The following RNF38 variants were observed in gnomAD, a reference collection of about 807,000 sequenced individuals.
RNF38 encodes ring finger protein 38.
RNF38 carries 15 observed loss-of-function variants against 67.2 expected under a neutral mutation model. The observed-to-expected ratio is 0.22, with a 90% CI of 0.15 to 0.34. The LOEUF (loss-of-function observed/expected upper bound fraction) is 0.34, where lower values mean the gene tolerates loss of function less well. RNF38 is among the 10% of genes least tolerant of loss of function. The pLI is 1.00. For missense variants in RNF38, 524 were observed against 639.9 expected (o/e 0.82, Z 1.95); for synonymous variants, 220 against 218.8 (o/e 1.01, Z -0.05).
At chr9:36,487,097 AG>A (rs1385915267) in intron 1 of RNF38, among the ~76,000 whole-genome samples, 1 of 151,954 alleles carries the variant, frequency 6.6e-6, no homozygotes, top group East Asian at 1.9e-4. Flanking sequence ...ACCCTGGGGG[AG>A]GGGGCTACCC....
At chr9:36,444,955 G>A (rs1298617533) in intron 1 of RNF38, among the ~76,000 whole-genome samples, 3 of 128,148 alleles carry the variant, frequency 2.3e-5, no homozygotes, top group South Asian at 2.3e-4. Flanking sequence ...ATCAGTGATC[G>A]CCAGAGATTT....
intron 2 of RNF38, among the ~76,000 whole-genome samples, chr9:36,377,576 C>A (rs986441545): frequency 6.6e-6 from 1 of 152,136 alleles, no homozygotes; most frequent in African/African-American, 2.4e-5. Context: ...TTTGTTCTAA[C>A]TTTCCTACCA....
chr9:36,427,687 C>G (rs1310946172), intron 1 of RNF38, among the ~76,000 whole-genome samples: 1 of 149,106 alleles, frequency 6.7e-6, no homozygotes, highest in Non-Finnish European at 1.5e-5. Context: ...ATCTATCTAT[C>G]TATCTATCTA....
chr9:36,418,549 G>A (rs1838533776), intron 2 of RNF38, among the ~76,000 whole-genome samples: 1 of 151,866 alleles, frequency 6.6e-6, no homozygotes, highest in Admixed American at 6.6e-5. Context: ...ACTTTGGGAG[G>A]CTGAGGCGGG....
At chr9:36,378,177 T>C (rs1835920184) in intron 2 of RNF38, among the ~76,000 whole-genome samples, 1 of 148,022 alleles carries the variant, frequency 6.8e-6, no homozygotes, top group Non-Finnish European at 1.5e-5. Context: ...GACTTTTTTT[T>C]TTTTTTTTTT....
intron 4 of RNF38, among the ~76,000 whole-genome samples, chr9:36,358,364 G>A (rs964701288): frequency 3.3e-5 from 5 of 152,094 alleles, no homozygotes; most frequent in African/African-American, 4.8e-5. Context: ...CTCATTTCCC[G>A]CCTAGCCAAT....
intron 1 of RNF38, among the ~76,000 whole-genome samples, chr9:36,439,516 C>G (rs559066420): frequency 6.6e-6 from 1 of 151,960 alleles, no homozygotes; most frequent in African/African-American, 2.4e-5. Flanking sequence ...CTATATCAAT[C>G]GAAAATAGCC....
rs534164736 is a variant in RNF38 at position 36,459,125 on chromosome 9, T to G, written n.241+28183A>C. On this transcript the variant is annotated intron_variant and non_coding_transcript_variant, in intron 1 of 3. Transcript: ENST00000488058. ...CAGGAGGCTGAGGCAGGAGAATCAC[T>G]TGAACCCAGGAGGTGGAGGTTGCAG... Among the ~76,000 whole-genome samples the G allele has an allele frequency of 5.9e-5, 9 of 151,848 alleles. No individual in the cohort carries two copies. In the East Asian group the frequency reaches 1.7e-3, roughly 29 times the overall value.
intron 10 of RNF38, 139 bp downstream of exon 10, chr9:36,344,693 C>T: frequency 1.4e-6 from 1 of 732,714 alleles, no homozygotes; most frequent in Non-Finnish European, 2.2e-6. Context: ...TTATCTTTAT[C>T]AAAGTTATCT....
chr9:36,354,902 T>C (rs1341338046), intron 6 of RNF38, among the ~76,000 whole-genome samples: 2 of 152,232 alleles, frequency 1.3e-5, no homozygotes, highest in Non-Finnish European at 2.9e-5. Context: ...AAATCACAAT[T>C]GCTTACACTA....
At chr9:36,352,906 AAATAAAGTATCT>A in intron 7 of RNF38, 58 bp from the exon 8 acceptor site, 1 of 1,211,394 alleles carries the variant, frequency 8.3e-7, no homozygotes, top group South Asian at 1.3e-5. Context: ...ATAGCCTGTC[AAATAAAGTATCT>A]AATTAAAAAA....
intron 2 of RNF38, among the ~76,000 whole-genome samples, chr9:36,383,112 T>C (rs1836330525): frequency 1.3e-5 from 2 of 152,224 alleles, no homozygotes; most frequent in Admixed American, 1.3e-4. Flanking sequence ...GATCACACAA[T>C]AGTTTACAAA....
chr9:36,352,652 C>T (rs1388936437), intron 8 of RNF38, 90 bp downstream of exon 8: 7 of 997,382 alleles, frequency 7.0e-6, no homozygotes, highest in Non-Finnish European at 9.4e-6. Flanking sequence ...ACTAACACAC[C>T]AAAAGCTATA....
chr9:36,352,824 T>C lies in RNF38; in HGVS notation c.1096A>G (p.Arg366Gly). ...GVPYPPFMPR[R>G]LTGRSRYRSQ... ...CGGTATCTACTACGTCCTGTAAGCC[T>C]CCGAGGCATAAATGGAGGATAAGGC... The change falls in exon 8 of 12, where the codon AGG becomes GGG. Residue 366 changes from arginine (R) to glycine (G), a missense_variant. Arg to Gly is a moderately radical substitution (Grantham distance 125). This residue lies in a region of RNF38 where 461 missense variants were observed against 517.4 expected (regional missense o/e 0.89). Coordinates refer to ENST00000259605, the MANE Select transcript of RNF38 (RefSeq NM_022781.5). 1.9e-6 allele frequency: 3 copies of C among 1,613,848 alleles called. No individual in the cohort carries two copies. The highest frequency in any genetic ancestry group is 2.5e-6 in the Non-Finnish European group (3 of 1,179,798).
chr9:36,469,435 G>A lies in RNF38; in HGVS notation n.241+17873C>T, dbSNP rs186359585. Among the ~76,000 whole-genome samples, 74 of 152,138 alleles carry A rather than the reference G, an allele frequency of 4.9e-4. 1 individual carries two copies. Among genetic ancestry groups the A allele is most frequent in the Admixed American group, 4.1e-3 (63 of 15,276 alleles). On this transcript the variant is annotated intron_variant and non_coding_transcript_variant, in intron 1 of 3. Transcript: ENST00000488058. ...AGCACTTTGGGAGGCTGAGGTGGGCGAATCACCTGAGGTCGGGAGTTTGAG... is the reference window on the plus strand; with the variant it reads ...AGCACTTTGGGAGGCTGAGGTGGGCAAATCACCTGAGGTCGGGAGTTTGAG...
At chr9:36,357,006 G>A (rs1834174015) in intron 5 of RNF38, among the ~76,000 whole-genome samples, 1 of 152,100 alleles carries the variant, frequency 6.6e-6, no homozygotes, top group Admixed American at 6.6e-5. Flanking sequence ...AGTTAGTATT[G>A]GTATAAGTGT....
At chr9:36,479,832 C>T (rs1840207279) in intron 1 of RNF38, among the ~76,000 whole-genome samples, 1 of 152,120 alleles carries the variant, frequency 6.6e-6, no homozygotes, top group African/African-American at 2.4e-5. Flanking sequence ...CATAGTGGCT[C>T]ATTCCTGTAG....
At chr9:36,452,636 G>A (rs745947733) in intron 1 of RNF38, among the ~76,000 whole-genome samples, 4 of 151,574 alleles carry the variant, frequency 2.6e-5, no homozygotes, top group African/African-American at 7.3e-5. Context: ...TGGTTCAAGC[G>A]ACTCTCCTGC....
chr9:36,385,639 A>G (rs1836567793), intron 2 of RNF38, among the ~76,000 whole-genome samples: 1 of 152,238 alleles, frequency 6.6e-6, no homozygotes, highest in African/African-American at 2.4e-5. Flanking sequence ...TCAGCCTCCC[A>G]AAGTGCTGGG....
Sources: gnomAD v4.1 joint callset for allele counts (sites outside exome capture counted in the v4.1 genomes callset) on GRCh38, gnomAD v4.1.1 for gene constraint, gnomAD v4.1.1 regional missense constraint, MANE v1.5 for transcripts, NCBI Gene and HGNC (gene_info 2026-07-23, HGNC 2026-07-21) for gene names.